The following IGF2R variants were observed in gnomAD, a reference collection of about 807,000 sequenced individuals.
IGF2R encodes the protein cation-independent mannose-6-phosphate receptor.
Under a neutral mutation model 270.6 loss-of-function variants are expected in IGF2R, and 91 were observed. The observed-to-expected ratio is 0.34, with a 90% CI of 0.28 to 0.40. The LOEUF is 0.40. IGF2R is among the 10% of genes least tolerant of loss of function. The pLI is 1.00. For synonymous variants in IGF2R, 1,316 were observed against 1,258.9 expected (o/e 1.05, Z -0.96); for missense variants, 2,805 against 3,188.3 (o/e 0.88, Z 2.90).
Position 160,102,401 on chromosome 6 carries a change from A to T in IGF2R, c.6843-118A>T. 8.8e-7 allele frequency: 1 copy of T among 1,130,510 alleles called. No homozygotes were observed. The highest frequency in any genetic ancestry group is 1.3e-6 in the Non-Finnish European group (1 of 777,804). 70.0% of individuals were successfully genotyped at this position (1,130,510 alleles called of 1,614,324 possible). On this transcript the variant is annotated intron_variant, in intron 45 of 47. Coordinates refer to ENST00000356956, the MANE Select transcript of IGF2R (RefSeq NM_000876.4). The surrounding 1 kb of genome is among the most constrained non-coding windows in gnomAD (Gnocchi z 4.5). Reference sequence around the variant, plus strand: ...CCTTGTTTTCTGGGCAGGAGTAAGAATCACATGGTGTTGGGAAAGTCAGAG... The same window carrying T: ...CCTTGTTTTCTGGGCAGGAGTAAGATTCACATGGTGTTGGGAAAGTCAGAG...
Position 160,084,552 on chromosome 6 carries a change from G to T in IGF2R, c.6068+368G>T, listed in dbSNP as rs748729678. On this transcript the variant is annotated intron_variant, in intron 40 of 47. Transcript: ENST00000356956. The surrounding 1 kb of genome is among the most constrained non-coding windows in gnomAD (Gnocchi z 4.6). ...AGCTCCTTAGGCTTTGCTGGCTGGG[G>T]TCAGCCCATGGTCCTGACCACTCTG... is the stretch of plus-strand genomic sequence containing the variant. 6.6e-5 allele frequency among the ~76,000 whole-genome samples: 10 copies of T among 152,304 alleles called. No homozygotes were observed. The highest frequency in any genetic ancestry group is 1.3e-4 in the Non-Finnish European group (9 of 68,028).
At chr6:159,984,371 C>T (rs770094183) in intron 1 of IGF2R, among the ~76,000 whole-genome samples, 11 of 151,982 alleles carry the variant, frequency 7.2e-5, no homozygotes, top group African/African-American at 1.9e-4. Flanking sequence ...GAACCCACTG[C>T]GCTACCAGTC....
rs9456485 is a variant in IGF2R, at chr6:159,972,778, C to T, written c.149+3383C>T. Among the ~76,000 whole-genome samples the T allele has an allele frequency of 2.0e-3, 308 of 152,296 alleles. 5 individuals are homozygous for T. The highest frequency in any genetic ancestry group is 7.1e-3 in the African/African-American group (296 of 41,572). On this transcript the variant is annotated intron_variant, in intron 1 of 47. Coordinates refer to ENST00000356956, the MANE Select transcript of IGF2R (RefSeq NM_000876.4). ...TTTCAGCAGCAGCTTTAACTGTGTC[C>T]GTGCACGTGGAGGGGCCTGCCCTCT...
intron 6 of IGF2R, 41 bp downstream of exon 6, chr6:160,027,355 C>T (rs1184525773): frequency 2.1e-5 from 33 of 1,573,066 alleles, no homozygotes; most frequent in Non-Finnish European, 2.8e-5. Flanking sequence ...TTTTAATCTC[C>T]AGCAAGGACC....
In IGF2R at chr6:160,068,155, T is replaced by A. The variant is rs980424592; in HGVS notation, c.4116-94T>A. On this transcript the variant is annotated intron_variant, in intron 29 of 47. Transcript: ENST00000356956. ...GTCTAAAGTTCTGTCAGGCTTAGAC[T>A]ATGCCTGAATACTTGAACGTTTCTA... 9 of 1,446,752 alleles carry A rather than the reference T, an allele frequency of 6.2e-6. No individual in the cohort carries two copies. In the Admixed American group the frequency reaches 1.6e-4, roughly 26 times the overall value. The allele number at this position is 1,446,752 out of a possible 1,614,324, so 89.6% of individuals were successfully genotyped here. A position where few individuals can be genotyped will look rare whatever the true frequency, so the allele number is the denominator to read the frequency against.
At chr6:160,101,912 G>C (rs1262487675) in intron 45 of IGF2R, among the ~76,000 whole-genome samples, 1 of 152,228 alleles carries the variant, frequency 6.6e-6, no homozygotes, top group Non-Finnish European at 1.5e-5. Flanking sequence ...GAGGCAGCTG[G>C]TGTGCTCAAG....
intron 29 of IGF2R, among the ~76,000 whole-genome samples, chr6:160,065,814 G>GTGTATGTATATATATATA: frequency 1.3e-5 from 1 of 78,392 alleles, no homozygotes; most frequent in African/African-American, 5.6e-5. Flanking sequence ...GTGTGTGTGT[G>GTGTATGTATATATATATA]TATATATATA....
intron 7 of IGF2R, among the ~76,000 whole-genome samples, chr6:160,031,525 C>T (rs889086379): frequency 1.3e-5 from 2 of 152,126 alleles, no homozygotes; most frequent in African/African-American, 2.4e-5. Context: ...CTTCCTGTCT[C>T]TGTGGATTGG....
At chr6:159,985,543 T>C (rs940398097) in intron 1 of IGF2R, among the ~76,000 whole-genome samples, 5 of 152,210 alleles carry the variant, frequency 3.3e-5, no homozygotes, top group Non-Finnish European at 2.9e-5. Context: ...AGTTTCCTTC[T>C]CAAGCCATCA....
At chr6:160,003,504 G>A (rs1292945823) in intron 2 of IGF2R, 2 of 152,168 alleles carry the variant, frequency 1.3e-5, no homozygotes, top group Admixed American at 1.3e-4. Context: ...GTTTATTGTG[G>A]CAAATATGCT....
chr6:160,054,027 T>G (rs139630506), intron 19 of IGF2R, among the ~76,000 whole-genome samples: 1 of 152,298 alleles, frequency 6.6e-6, no homozygotes, highest in African/African-American at 2.4e-5. Flanking sequence ...CCTAGAAGTT[T>G]TTTGATGGTC....
intron 11 of IGF2R, among the ~76,000 whole-genome samples, chr6:160,041,976 T>C (rs1777956227): frequency 6.6e-6 from 1 of 150,798 alleles, no homozygotes; most frequent in Non-Finnish European, 1.5e-5. Context: ...TGGGTGGTGC[T>C]GTTAGATTCC....
At position 160,103,808 on chromosome 6, in the gene IGF2R, A is replaced by T. The variant is rs778447412; in HGVS notation, c.7058A>T (p.Tyr2353Phe). The T allele has an allele frequency of 1.9e-6, 3 of 1,607,732 alleles. No homozygotes were observed. The South Asian group carries it at 3.3e-5, about 18-fold the overall frequency. The change falls in exon 47 of 48, where the codon TAC becomes TTC. Residue 2353 changes from tyrosine to phenylalanine, a missense_variant. By Grantham distance (22) the Tyr-to-Phe change is conservative. This residue lies in a region of IGF2R where 1,851 missense variants were observed against 2,207.2 expected (regional missense o/e 0.84). Transcript: ENST00000356956. ...CRRSSNVSYK[Y>F]SKVNKEEETD... is the part of the protein sequence containing the mutation. ...AGAAGTTCCAACGTGTCCTACAAAT[A>T]CTCAAAGGTAATTTTCTGTGGCGAG...
In IGF2R at chr6:160,084,185, G is replaced by A. The variant is rs772225960; in HGVS notation, c.6068+1G>A. Reference sequence around the variant, plus strand: ...GGTCCCTCGTCCACAACGGAGTCTCGTGAGTGCCTTCCCAGTCCACCCGCG... The same window carrying A: ...GGTCCCTCGTCCACAACGGAGTCTCATGAGTGCCTTCCCAGTCCACCCGCG... On this transcript the variant is annotated splice_donor_variant, in intron 40 of 47. Transcript: ENST00000356956. LOFTEE classifies it high-confidence loss of function. The surrounding 1 kb of genome is among the most constrained non-coding windows in gnomAD (Gnocchi z 4.6). 3.8e-6 allele frequency: 6 copies of A among 1,584,390 alleles called. No homozygotes were observed. Among genetic ancestry groups the A allele is most frequent in the Admixed American group, 1.7e-5 (1 of 59,934 alleles).
At chr6:160,086,280 T>A (rs1264714676) in intron 41 of IGF2R, among the ~76,000 whole-genome samples, 1 of 152,212 alleles carries the variant, frequency 6.6e-6, no homozygotes, top group Non-Finnish European at 1.5e-5. Flanking sequence ...GCATTTGGCA[T>A]CCTGAGCACC....
At chr6:159,975,023 C>T (rs1371187058) in intron 1 of IGF2R, among the ~76,000 whole-genome samples, 1 of 152,072 alleles carries the variant, frequency 6.6e-6, no homozygotes, top group Non-Finnish European at 1.5e-5. Flanking sequence ...GTCGTTTTTC[C>T]CCAGGCACCA....
rs2115264510 is a variant in IGF2R at position 160,063,567 on chromosome 6, A to G, written c.3823A>G (p.Lys1275Glu). The change falls in exon 27 of 48, where the codon AAG becomes GAG. Residue 1275 changes from lysine to glutamate, a missense_variant. This residue lies in a region of IGF2R where 1,851 missense variants were observed against 2,207.2 expected (regional missense o/e 0.84). Coordinates refer to ENST00000356956, the MANE Select transcript of IGF2R (RefSeq NM_000876.4). ...LSSDVCPTSD[K>E]SKVVSSCQEK... ...CTCAGACGTCTGCCCCACAAGTGAC[A>G]AGTCCAAGGTGGTCTCCTCATGTCA... 6.2e-7 allele frequency: 1 copy of G among 1,614,248 alleles called. No homozygotes were observed. The highest frequency in any genetic ancestry group is 8.5e-7 in the Non-Finnish European group (1 of 1,180,042).
At chr6:160,089,632 A>C (rs1172519065) in intron 43 of IGF2R, among the ~76,000 whole-genome samples, 1 of 152,220 alleles carries the variant, frequency 6.6e-6, no homozygotes, top group Non-Finnish European at 1.5e-5. Flanking sequence ...GCCGAGGTGC[A>C]CAGACAGGGC....
At chr6:160,018,611 T>C (rs1777359481) in intron 4 of IGF2R, among the ~76,000 whole-genome samples, 1 of 152,064 alleles carries the variant, frequency 6.6e-6, no homozygotes, top group Non-Finnish European at 1.5e-5. Flanking sequence ...ACCAAAATGA[T>C]ACCAAGTATC....
Sources: allele counts gnomAD v4.1 joint callset (sites outside exome capture counted in the v4.1 genomes callset), GRCh38; gene constraint gnomAD v4.1.1; regional missense constraint gnomAD v4.1.1; non-coding constraint Gnocchi (gnomAD v3.1); transcripts MANE v1.5; gene names NCBI Gene and HGNC (gene_info 2026-07-23, HGNC 2026-07-21).